Variants in DPP10 observed in about 807,000 individuals in gnomAD.
DPP10 encodes inactive dipeptidyl peptidase 10.
Under a neutral mutation model 120.9 loss-of-function variants are expected in DPP10, and 33 were observed. That is an observed-to-expected ratio of 0.27 (90% CI 0.21 to 0.37). The LOEUF (loss-of-function observed/expected upper bound fraction) is 0.37, where lower values mean the gene tolerates loss of function less well. DPP10 is among the 10% of genes least tolerant of loss of function. The probability of loss-of-function intolerance (pLI) is 1.00; values close to 1 mark genes in which losing one functional copy is unlikely to be tolerated. For missense variants in DPP10, 816 were observed against 942.8 expected (o/e 0.87, Z 1.76); for synonymous variants, 337 against 326.1 (o/e 1.03, Z -0.36).
chr2:115,446,507 G>A (rs1222770674), intron 3 of DPP10, among the ~76,000 whole-genome samples: 2 of 152,176 alleles, frequency 1.3e-5, no homozygotes, highest in East Asian at 1.9e-4. Flanking sequence ...AAACCTGAGA[G>A]GGACTTCTGA....
At chr2:114,691,799 G>A (rs866749097) in intron 1 of DPP10, among the ~76,000 whole-genome samples, 1 of 151,814 alleles carries the variant, frequency 6.6e-6, no homozygotes, top group African/African-American at 2.4e-5. Flanking sequence ...TTTCTTTGTG[G>A]TTCAGTTTTG....
At chr2:115,518,155 C>G (rs1042958592) in intron 4 of DPP10, among the ~76,000 whole-genome samples, 2 of 152,100 alleles carry the variant, frequency 1.3e-5, no homozygotes, top group African/African-American at 4.8e-5. Context: ...GAAGCCTGTC[C>G]CATGACCTAA....
At chr2:114,474,336 C>A (rs886411139) in intron 1 of DPP10, among the ~76,000 whole-genome samples, 11 of 152,178 alleles carry the variant, frequency 7.2e-5, no homozygotes, top group Admixed American at 5.9e-4. Context: ...GAATGAGGAA[C>A]GTAAAATTGC....
chr2:115,625,134 TA>T (rs753349828), intron 5 of DPP10, among the ~76,000 whole-genome samples: 2 of 152,124 alleles, frequency 1.3e-5, no homozygotes, highest in Admixed American at 6.6e-5. Flanking sequence ...AAGGGATTGA[TA>T]ATACGTTGAA....
intron 4 of DPP10, among the ~76,000 whole-genome samples, chr2:115,501,500 A>G (rs2076683175): frequency 6.6e-6 from 1 of 152,006 alleles, no homozygotes; most frequent in African/African-American, 2.4e-5. Context: ...ATTCTCCTCT[A>G]CATTAGCCGT....
At chr2:115,074,139 G>A (rs973293630) in intron 1 of DPP10, among the ~76,000 whole-genome samples, 1 of 152,044 alleles carries the variant, frequency 6.6e-6, no homozygotes, top group African/African-American at 2.4e-5. Flanking sequence ...AGCTTCCCTA[G>A]TCGCTTGGAC....
chr2:115,635,930 T>A (rs938811731), intron 5 of DPP10, among the ~76,000 whole-genome samples: 12 of 152,172 alleles, frequency 7.9e-5, no homozygotes, highest in African/African-American at 2.9e-4. Context: ...AATATTCATG[T>A]TTTCAAAGCA....
intron 1 of DPP10, among the ~76,000 whole-genome samples, chr2:114,665,375 A>C (rs1697842520): frequency 6.6e-6 from 1 of 152,154 alleles, no homozygotes; most frequent in East Asian, 1.9e-4. Context: ...AAGGGAAATC[A>C]GCTTGTTCTT....
In DPP10 at chr2:115,780,935, T is replaced by C; in HGVS notation, c.1423T>C (p.Cys475Arg). 6.2e-7 allele frequency: 1 copy of C among 1,605,122 alleles called. No homozygotes were observed. Among genetic ancestry groups the C allele is most frequent in the Non-Finnish European group, 8.5e-7 (1 of 1,173,966 alleles). ...TTCATGTAATTTCATGAAAGAACAA[T>C]GTACATATTTTGATGCCAGTTTTAG... is the stretch of plus-strand genomic sequence containing the variant. ...CISCNFMKEQ[C>R]TYFDASFSPM... Residue 475 changes from cysteine (C) to arginine (R), a missense_variant, in exon 16 of 26, where the codon TGT (cysteine) becomes CGT (arginine). Cys to Arg is a radical substitution (Grantham distance 180). Around this residue, in one of 3 missense-constraint regions of DPP10, gnomAD observed 592 missense variants for 649.0 expected, o/e 0.91. Transcript: ENST00000410059.
intron 1 of DPP10, among the ~76,000 whole-genome samples, chr2:115,176,511 T>A (rs1435340832): frequency 1.3e-5 from 2 of 151,992 alleles, no homozygotes; most frequent in East Asian, 3.9e-4. Flanking sequence ...GCAGAAGTTG[T>A]CTTTTGATCA....
intron 24 of DPP10, among the ~76,000 whole-genome samples, chr2:115,840,517 G>A (rs1690028828): frequency 6.6e-6 from 1 of 151,404 alleles, no homozygotes; most frequent in Non-Finnish European, 1.5e-5. Context: ...ATGGAGATGG[G>A]ATTTCACCGA....
chr2:114,836,051 T>C (rs964675898), intron 1 of DPP10, among the ~76,000 whole-genome samples: 2 of 152,144 alleles, frequency 1.3e-5, no homozygotes, highest in African/African-American at 2.4e-5. Context: ...GATATGATTC[T>C]TTGCTCTTAC....
chr2:115,402,875 A>ATATATATG (rs1167991546), intron 3 of DPP10, among the ~76,000 whole-genome samples: 132 of 125,200 alleles, frequency 1.1e-3, no homozygotes, highest in Middle Eastern at 4.1e-3. Context: ...ATATATATAT[A>ATATATATG]TGTGTGTGTG....
chr2:115,318,919 A>G (rs2061928174), intron 2 of DPP10, among the ~76,000 whole-genome samples: 1 of 152,030 alleles, frequency 6.6e-6, no homozygotes, highest in African/African-American at 2.4e-5. Context: ...TTTCTTGTCT[A>G]GTTACTCTGG....
intron 1 of DPP10, among the ~76,000 whole-genome samples, chr2:114,491,227 TTTAAAGTTTGGAAAA>T (rs1295419620): frequency 6.6e-6 from 1 of 152,188 alleles, no homozygotes; most frequent in Non-Finnish European, 1.5e-5. Context: ...AGTCCAAACT[TTTAAAGTTTGGAAAA>T]TACAATGAAG....
At chr2:115,514,856 A>G (rs1241825665) in intron 4 of DPP10, among the ~76,000 whole-genome samples, 1 of 151,844 alleles carries the variant, frequency 6.6e-6, no homozygotes, top group Non-Finnish European at 1.5e-5. Flanking sequence ...GAATGAAGCC[A>G]TGTAAATATT....
chr2:114,997,764 T>A (rs1701190054), intron 1 of DPP10, among the ~76,000 whole-genome samples: 1 of 152,168 alleles, frequency 6.6e-6, no homozygotes, highest in African/African-American at 2.4e-5. Context: ...TAAGGGAAAG[T>A]GATATACTGG....
chr2:115,517,551 GTTATT>G (rs2077569117), intron 4 of DPP10, among the ~76,000 whole-genome samples: 2 of 151,966 alleles, frequency 1.3e-5, no homozygotes, highest in Admixed American at 1.3e-4. Context: ...CTGTAGTCCA[GTTATT>G]TTATAACTAC....
chr2:114,995,057 G>A (rs954224114), intron 1 of DPP10, among the ~76,000 whole-genome samples: 3 of 152,156 alleles, frequency 2.0e-5, no homozygotes, highest in Non-Finnish European at 2.9e-5. Context: ...GTTAGCAAAC[G>A]TGAAGTAAGC....
Sources: gnomAD v4.1 joint callset for allele counts (sites outside exome capture counted in the v4.1 genomes callset) on GRCh38, gnomAD v4.1.1 for gene constraint, gnomAD v4.1.1 regional missense constraint, MANE v1.5 for transcripts, NCBI Gene and HGNC (gene_info 2026-07-23, HGNC 2026-07-21) for gene names.